The following PLEKHA7 variants were observed in gnomAD, a reference collection of about 807,000 sequenced individuals.
PLEKHA7 encodes the protein pleckstrin homology domain containing A7, also known as pleckstrin homology domain-containing family A member 7.
Under a neutral mutation model 170.0 loss-of-function variants are expected in PLEKHA7, and 104 were observed. That is an observed-to-expected ratio of 0.61 (90% CI 0.52 to 0.72). PLEKHA7 has a LOEUF of 0.72. Among genes scored for constraint, PLEKHA7 ranks in the 30% least tolerant of loss-of-function variants. The probability of loss-of-function intolerance (pLI) is 0.00; values close to 1 mark genes in which losing one functional copy is unlikely to be tolerated. For synonymous variants in PLEKHA7, 648 were observed against 660.8 expected (o/e 0.98, Z 0.30); for missense variants, 1,615 against 1,671.7 (o/e 0.97, Z 0.59).
At chr11:16,959,554 GA>G (rs1861918462) in intron 3 of PLEKHA7, among the ~76,000 whole-genome samples, 1 of 152,166 alleles carries the variant, frequency 6.6e-6, no homozygotes, top group African/African-American at 2.4e-5. Flanking sequence ...GGCCCATAGT[GA>G]ATCAAGTTTG....
intron 3 of PLEKHA7, among the ~76,000 whole-genome samples, chr11:16,874,993 G>A (rs1282586628): frequency 1.3e-5 from 2 of 152,212 alleles, no homozygotes; most frequent in African/African-American, 4.8e-5. Flanking sequence ...ATCTTGAGCT[G>A]CAGAGTTTAG....
At chr11:16,995,184 C>A (rs80278134) in intron 3 of PLEKHA7, among the ~76,000 whole-genome samples, 7,745 of 152,274 alleles carry the variant, frequency 0.051, 372 homozygotes, top group East Asian at 0.14. Context: ...CAGGATCACA[C>A]CACAAGCTAG....
chr11:16,999,093 T>C (rs1864516459), intron 3 of PLEKHA7, among the ~76,000 whole-genome samples: 1 of 151,974 alleles, frequency 6.6e-6, no homozygotes, highest in East Asian at 1.9e-4. Context: ...CCCCAGGGAG[T>C]TGGGGAGCTC....
At chr11:16,947,864 C>G (rs1242783586) in intron 3 of PLEKHA7, among the ~76,000 whole-genome samples, 7 of 143,098 alleles carry the variant, frequency 4.9e-5, no homozygotes, top group African/African-American at 1.8e-4. Context: ...TGCAGTGAGC[C>G]GAGATCATGC....
intron 3 of PLEKHA7, among the ~76,000 whole-genome samples, chr11:16,926,652 C>T (rs4757446): frequency 0.48 from 73,299 of 152,006 alleles, 18,239 homozygotes; most frequent in East Asian, 0.75. Flanking sequence ...AAAGCTGAGA[C>T]GTTACCCAGT....
rs188612805 is a variant in PLEKHA7 at position 16,948,227 on chromosome 11, A to G, written c.221+65762T>C. 1.5e-3 allele frequency among the ~76,000 whole-genome samples: 230 copies of G among 152,330 alleles called. 5 individuals carry two copies. The East Asian group carries it at 0.042, about 28-fold the overall frequency. ...GAAGGTTACATAATTTTAGTTAGGC[A>G]GAAGAAATAAGTTCAAGAGATCTAT... On this transcript the variant is annotated intron_variant, in intron 3 of 26. Transcript: ENST00000531066.
intron 3 of PLEKHA7, among the ~76,000 whole-genome samples, chr11:16,969,367 G>A (rs1182489287): frequency 6.6e-6 from 1 of 152,212 alleles, no homozygotes; most frequent in East Asian, 1.9e-4. Context: ...AGAGGAGAGA[G>A]AGAAGCTGAG....
intron 3 of PLEKHA7, among the ~76,000 whole-genome samples, chr11:16,950,075 T>G (rs1861305529): frequency 2.1e-5 from 1 of 46,900 alleles, no homozygotes; most frequent in Non-Finnish European, 4.0e-5. Flanking sequence ...GAGTAAAGTG[T>G]GTGTGGGGCG....
chr11:16,905,078 C>T (rs1313962358), intron 3 of PLEKHA7, among the ~76,000 whole-genome samples: 1 of 151,994 alleles, frequency 6.6e-6, no homozygotes, highest in African/African-American at 2.4e-5. Context: ...ATGGCAAAAC[C>T]CCATCTGTAC....
At chr11:16,836,604 G>A (rs1167939122) in intron 9 of PLEKHA7, among the ~76,000 whole-genome samples, 5 of 152,220 alleles carry the variant, frequency 3.3e-5, no homozygotes, top group Admixed American at 3.3e-4. Context: ...GATTTAGTCT[G>A]CCTGACGAAT....
At chr11:16,788,285 G>C (rs540249870) in intron 23 of PLEKHA7, 1 of 152,444 alleles carries the variant, frequency 6.6e-6, no homozygotes, top group Non-Finnish European at 1.5e-5. Context: ...ATGGAGACAA[G>C]AACCGCTATT....
chr11:16,841,412 T>C, intron 9 of PLEKHA7, 135 bp downstream of exon 9: 1 of 993,312 alleles, frequency 1.0e-6, no homozygotes. Context: ...TTTTGTTTAA[T>C]GAAGAAAGTT....
chr11:16,929,733 G>C (rs1303254172), intron 3 of PLEKHA7, among the ~76,000 whole-genome samples: 2 of 152,220 alleles, frequency 1.3e-5, no homozygotes, highest in African/African-American at 4.8e-5. Context: ...GGCTGGGCGT[G>C]GTGGCTCACG....
At chr11:17,007,112 C>T (rs1357238344) in intron 3 of PLEKHA7, among the ~76,000 whole-genome samples, 1 of 152,244 alleles carries the variant, frequency 6.6e-6, no homozygotes, top group East Asian at 1.9e-4. Context: ...GCTCCCTGCT[C>T]CTCCCTGCTG....
chr11:16,860,704 G>A (rs1034623083), intron 4 of PLEKHA7, among the ~76,000 whole-genome samples: 4 of 152,174 alleles, frequency 2.6e-5, no homozygotes, highest in African/African-American at 9.7e-5. Flanking sequence ...CTTTGCCACA[G>A]AAAGACCCTA....
chr11:16,933,762 T>C (rs146690505), intron 3 of PLEKHA7, among the ~76,000 whole-genome samples: 2 of 152,262 alleles, frequency 1.3e-5, no homozygotes, highest in East Asian at 1.9e-4. Context: ...GAAGATGTAA[T>C]CAGTGGCATC....
At chr11:16,937,295 C>T (rs535597621) in intron 3 of PLEKHA7, among the ~76,000 whole-genome samples, 1 of 152,288 alleles carries the variant, frequency 6.6e-6, no homozygotes, top group African/African-American at 2.4e-5. Flanking sequence ...ATACCATGTG[C>T]CAAGATTGTG....
At chr11:16,866,516 C>T (rs1011726540) in intron 4 of PLEKHA7, among the ~76,000 whole-genome samples, 1 of 151,984 alleles carries the variant, frequency 6.6e-6, no homozygotes, top group East Asian at 1.9e-4. Context: ...CGCTTGAACC[C>T]GGGAGGCGGA....
chr11:16,944,340 G>A (rs2136435140), intron 3 of PLEKHA7, among the ~76,000 whole-genome samples: 2 of 146,740 alleles, frequency 1.4e-5, no homozygotes, highest in South Asian at 2.2e-4. Context: ...GGCAACAAGA[G>A]CAAAACTCCG....
Sources: allele counts gnomAD v4.1 joint callset (sites outside exome capture counted in the v4.1 genomes callset), GRCh38; gene constraint gnomAD v4.1.1; transcripts MANE v1.5; gene names NCBI Gene and HGNC (gene_info 2026-07-23, HGNC 2026-07-21).